Variants in GP2 observed in about 807,000 individuals in gnomAD.
The protein encoded by GP2 is pancreatic secretory granule membrane major glycoprotein GP2.
GP2 carries 58 observed loss-of-function variants against 60.8 expected under a neutral mutation model. The ratio of observed to expected loss-of-function variants is 0.95; its 90% CI spans 0.77 to 1.19. The LOEUF (loss-of-function observed/expected upper bound fraction) is 1.19. Among genes scored for constraint, GP2 ranks in the 50% most tolerant of loss-of-function variants. The pLI, the probability that GP2 is intolerant of heterozygous loss-of-function variation, is 0.00. For missense variants in GP2, 647 were observed against 667.4 expected (o/e 0.97, Z 0.34); for synonymous variants, 280 against 253.4 (o/e 1.10, Z -1.00).
intron 4 of GP2, among the ~76,000 whole-genome samples, chr16:20,322,208 G>T (rs1964385040): frequency 6.6e-6 from 1 of 152,322 alleles, no homozygotes; most frequent in Non-Finnish European, 1.5e-5. Context: ...AGGCATGCTT[G>T]TGCCAAAGGC....
intron 4 of GP2, among the ~76,000 whole-genome samples, chr16:20,321,517 G>T (rs1451034233): frequency 6.6e-6 from 1 of 152,214 alleles, no homozygotes; most frequent in Non-Finnish European, 1.5e-5. Context: ...GATGCAGGGG[G>T]AGCAGAGAAG....
chr16:20,324,870 T>C (rs1371674317), intron 2 of GP2, among the ~76,000 whole-genome samples: 4 of 152,256 alleles, frequency 2.6e-5, no homozygotes, highest in African/African-American at 9.6e-5. Flanking sequence ...ATTGACATTT[T>C]GGCTAGGTCA....
At chr16:20,315,759 G>T (rs528220285) in intron 9 of GP2, among the ~76,000 whole-genome samples, 197 bp downstream of exon 9, 8 of 152,276 alleles carry the variant, frequency 5.3e-5, no homozygotes, top group African/African-American at 1.9e-4. Flanking sequence ...AGCTTAGCCT[G>T]GTCTCTAAGC....
At chr16:20,312,106 A>T in intron 10 of GP2, among the ~76,000 whole-genome samples, 1 of 152,194 alleles carries the variant, frequency 6.6e-6, no homozygotes, top group Admixed American at 6.5e-5. Flanking sequence ...ACACTATATA[A>T]ATGTTGGTTT....
chr16:20,326,158 T>C (rs1964527845), intron 2 of GP2, 180 bp downstream of exon 2: 2 of 600,516 alleles, frequency 3.3e-6, no homozygotes, highest in South Asian at 2.0e-5. Context: ...TTAGGCTCTT[T>C]GAGAGATTGT....
intron 10 of GP2, among the ~76,000 whole-genome samples, chr16:20,312,442 A>G (rs750757218): frequency 5.3e-5 from 8 of 152,242 alleles, no homozygotes; most frequent in Non-Finnish European, 7.3e-5. Flanking sequence ...GTGATAGCAG[A>G]CAATGAAAAC....
Position 20,311,213 on chromosome 16 carries a change from A to G in GP2, c.*10T>C. ...ACACAAACTTCAAGGCCAGATGCTC[A>G]GCGGAGCTCTCAGAACAGCCAAGCC... On this transcript the variant is annotated 3_prime_UTR_variant, in exon 11 of 11. Transcript: ENST00000302555. 6.3e-7 allele frequency: 1 copy of G among 1,591,904 alleles called. No homozygotes were observed. Among genetic ancestry groups the G allele is most frequent in the Non-Finnish European group, 8.6e-7 (1 of 1,159,768 alleles).
intron 10 of GP2, among the ~76,000 whole-genome samples, chr16:20,311,659 A>G (rs1963999574): frequency 6.6e-6 from 1 of 152,194 alleles, no homozygotes; most frequent in Non-Finnish European, 1.5e-5. Context: ...AGGATCCAAG[A>G]TAGGACTTGC....
rs368361612 is a variant in GP2 at position 20,311,329 on chromosome 16, G to T, written c.1547-48C>A. 20 of 1,165,374 alleles carry T rather than the reference G, an allele frequency of 1.7e-5. No individual in the cohort carries two copies. The African/African-American group carries it at 2.9e-4, about 17-fold the overall frequency. The allele number at this position is 1,165,374 out of a possible 1,614,324, so 72.2% of individuals were successfully genotyped here. A position where few individuals can be genotyped will look rare whatever the true frequency, so the allele number is the denominator to read the frequency against. ...GTCAAGTGTTGGGCTTTGGGAGTCA[G>T]GAGCAAACATAAGTTGGCCTCTTTG... On this transcript the variant is annotated intron_variant, in intron 10 of 10. Transcript: ENST00000302555.
chr16:20,320,883 C>G (rs938137279), intron 4 of GP2, among the ~76,000 whole-genome samples: 3 of 152,158 alleles, frequency 2.0e-5, no homozygotes, highest in Admixed American at 2.0e-4. Context: ...CTGCCAGGCA[C>G]TGGGGCTACA....
Position 20,323,898 on chromosome 16 carries a change from C to T in GP2, c.453G>A (p.Glu151=), listed in dbSNP as rs369671050. ...WSGNCCFWKT[E]VLVKACPGGY... ...CGCCTGGGCAGGCCTTCACCAGCAC[C>T]TCTGTTTTCCAGAAACAGCAGTTGC... The change falls in exon 3 of 11, where the codon GAG becomes GAA. Residue 151 remains glutamate (E), a synonymous_variant. Coordinates refer to ENST00000302555, the MANE Select transcript of GP2 (RefSeq NM_001502.4). 6.2e-7 allele frequency: 1 copy of T among 1,614,134 alleles called. No individual in the cohort carries two copies. The highest frequency in any genetic ancestry group is 1.1e-5 in the South Asian group (1 of 91,076).
chr16:20,318,355 C>T lies in GP2; in HGVS notation c.1083G>A (p.Thr361=), dbSNP rs774410733. 15 of 1,612,784 alleles carry T rather than the reference C, an allele frequency of 9.3e-6. No individual in the cohort carries two copies. Among genetic ancestry groups the T allele is most frequent in the East Asian group, 2.2e-5 (1 of 44,882 alleles). Residue 361 remains threonine (T), a synonymous_variant, in exon 7 of 11, where the codon ACG becomes ACA. Coordinates refer to ENST00000302555, the MANE Select transcript of GP2 (RefSeq NM_001502.4). Reference sequence around the variant, plus strand: ...CAACTGCATCCCCTTCGTAAGGATTCGTGTAGTTCTGGTCTTGGAAGAGGG... The same window carrying T: ...CAACTGCATCCCCTTCGTAAGGATTTGTGTAGTTCTGGTCTTGGAAGAGGG... The part of the protein sequence containing the change: ...RMALFQDQNY[T]NPYEGDAVEL...
intron 6 of GP2, among the ~76,000 whole-genome samples, chr16:20,318,888 T>C (rs1964262604): frequency 6.6e-6 from 1 of 152,126 alleles, no homozygotes; most frequent in African/African-American, 2.4e-5. Context: ...AATTAGAAAA[T>C]GTCTAATCCT....
intron 3 of GP2, chr16:20,323,495 C>CA (rs1964434893): frequency 3.4e-6 from 2 of 589,562 alleles, no homozygotes; most frequent in Non-Finnish European, 6.4e-6. Flanking sequence ...ACCCCCCCCC[C>CA]CTTTTTTTCA....
chr16:20,323,063 C>T (rs765183129), intron 3 of GP2, 84 bp from the exon 4 acceptor site: 1 of 730,304 alleles, frequency 1.4e-6, no homozygotes, highest in East Asian at 2.6e-5. Context: ...TTTCATTTCA[C>T]CGGGGCACAA....
intron 3 of GP2, chr16:20,323,433 G>A (rs1226903075): frequency 1.4e-6 from 1 of 717,664 alleles, no homozygotes; most frequent in Non-Finnish European, 2.6e-6. Flanking sequence ...AAGTACTTAG[G>A]ATAGCAACAA....
rs79527790 is a variant in GP2 at position 20,323,064 on chromosome 16, C to T, written c.536-85G>A. 1,664 of 725,442 alleles carry T rather than the reference C, an allele frequency of 2.3e-3. 3 individuals carry two copies. The highest frequency in any genetic ancestry group is 3.4e-3 in the Non-Finnish European group (1,418 of 411,058). The allele number at this position is 725,442 out of a possible 1,614,324, so 44.9% of individuals were successfully genotyped here. A position where few individuals can be genotyped will look rare whatever the true frequency, so the allele number is the denominator to read the frequency against. On this transcript the variant is annotated intron_variant, in intron 3 of 10. Coordinates refer to ENST00000302555, the MANE Select transcript of GP2 (RefSeq NM_001502.4). ...CCCAAGTCCAACCCTTTCATTTCAC[C>T]GGGGCACAAGAATCTTGCCAAGGTT... is the stretch of plus-strand genomic sequence containing the variant.
rs77240084 is a variant in GP2 at position 20,316,250 on chromosome 16, T to A, written c.1417-210A>T. ...GGTTTGAATCTCATCAAGTAGAGAC[T>A]TTCTTTTAGCTATATAATTTGGGGC... On this transcript the variant is annotated intron_variant, in intron 8 of 10. Transcript: ENST00000302555. Among the ~76,000 whole-genome samples, 33 of 152,332 alleles carry A rather than the reference T, an allele frequency of 2.2e-4. No individual in the cohort carries two copies. The East Asian group carries it at 6.4e-3, about 29-fold the overall frequency.
chr16:20,319,398 A>G (rs1373136380), intron 6 of GP2, among the ~76,000 whole-genome samples: 3 of 152,208 alleles, frequency 2.0e-5, no homozygotes, highest in Non-Finnish European at 4.4e-5. Context: ...TTGCCTAGTT[A>G]TAACAATCTT....
Sources: gnomAD v4.1 joint callset for allele counts (sites outside exome capture counted in the v4.1 genomes callset) on GRCh38, gnomAD v4.1.1 for gene constraint, MANE v1.5 for transcripts, NCBI Gene and HGNC (gene_info 2026-07-23, HGNC 2026-07-21) for gene names.